The following OSTF1 variants were observed in gnomAD, a reference collection of about 807,000 sequenced individuals.
OSTF1 encodes the protein osteoclast stimulating factor 1.
Under a neutral mutation model 37.2 loss-of-function variants are expected in OSTF1, and 27 were observed. The observed-to-expected ratio is 0.73, with a 90% CI of 0.54 to 1.00. OSTF1 has a LOEUF of 1.00. OSTF1 is among the 50% of genes least tolerant of loss of function. OSTF1 has a pLI of 0.00. For synonymous variants in OSTF1, 82 were observed against 89.2 expected (o/e 0.92, Z 0.46); for missense variants, 232 against 253.8 (o/e 0.91, Z 0.58).
intron 3 of OSTF1, 136 bp from the exon 4 acceptor site, chr9:75,130,442 G>C (rs1469808168): frequency 1.6e-6 from 1 of 633,308 alleles, no homozygotes; most frequent in African/African-American, 1.8e-5. Flanking sequence ...CAGCTAGGGC[G>C]TGAGGAAGCT....
chr9:75,088,866 C>T, intron 1 of OSTF1, 140 bp downstream of exon 1: 1 of 770,184 alleles, frequency 1.3e-6, no homozygotes, highest in Admixed American at 2.6e-5. Context: ...GGGATGGGCG[C>T]TCTTAGTTTT....
intron 1 of OSTF1, among the ~76,000 whole-genome samples, chr9:75,106,650 A>AAC (rs1825289588): frequency 2.0e-5 from 3 of 149,458 alleles, no homozygotes; most frequent in African/African-American, 7.4e-5. Flanking sequence ...CATCTCGAAA[A>AAC]AAAAAAAAAA....
chr9:75,118,860 G>C (rs2118522205), intron 2 of OSTF1, among the ~76,000 whole-genome samples: 1 of 152,276 alleles, frequency 6.6e-6, no homozygotes, highest in Admixed American at 6.5e-5. Flanking sequence ...CAACACATGG[G>C]GATTATGGGA....
intron 5 of OSTF1, among the ~76,000 whole-genome samples, chr9:75,133,012 C>CACACACACA: frequency 2.4e-5 from 3 of 123,524 alleles, no homozygotes; most frequent in African/African-American, 9.0e-5. Flanking sequence ...CACACACACA[C>CACACACACA]CCCTATATAT....
At chr9:75,099,993 C>T (rs541012815) in intron 1 of OSTF1, among the ~76,000 whole-genome samples, 2 of 152,258 alleles carry the variant, frequency 1.3e-5, no homozygotes, top group Admixed American at 1.3e-4. Flanking sequence ...TTATAGTGCT[C>T]AAGTGTTAGT....
At chr9:75,094,746 T>C (rs1168403672) in intron 1 of OSTF1, among the ~76,000 whole-genome samples, 1 of 152,148 alleles carries the variant, frequency 6.6e-6, no homozygotes, top group African/African-American at 2.4e-5. Flanking sequence ...TTAAAGGAGT[T>C]TCAGAAAAAT....
intron 9 of OSTF1, among the ~76,000 whole-genome samples, chr9:75,141,801 G>A (rs1375593093): frequency 6.6e-6 from 1 of 152,156 alleles, no homozygotes; most frequent in Non-Finnish European, 1.5e-5. Context: ...AGCCTGGAGT[G>A]CAGGTGTGCA....
intron 3 of OSTF1, 82 bp from the exon 4 acceptor site, chr9:75,130,496 C>T (rs1324457317): frequency 5.5e-6 from 5 of 913,478 alleles, no homozygotes; most frequent in East Asian, 4.9e-5. Flanking sequence ...AGAACAGGTA[C>T]TCCCTAGGAG....
At chr9:75,108,871 G>A (rs1192569340) in intron 1 of OSTF1, among the ~76,000 whole-genome samples, 2 of 152,084 alleles carry the variant, frequency 1.3e-5, no homozygotes, top group Admixed American at 6.6e-5. Context: ...GATTTGTTTA[G>A]TTTTACAGAA....
chr9:75,111,269 C>T (rs1242045647), intron 1 of OSTF1, among the ~76,000 whole-genome samples: 1 of 152,154 alleles, frequency 6.6e-6, no homozygotes, highest in Non-Finnish European at 1.5e-5. Flanking sequence ...TGCCTTTGCC[C>T]TGCCTCTACC....
chr9:75,118,271 C>A (rs547731634), intron 2 of OSTF1, among the ~76,000 whole-genome samples: 3 of 152,134 alleles, frequency 2.0e-5, no homozygotes, highest in Admixed American at 2.0e-4. Context: ...TGGGGAGAGA[C>A]CTGAAGGAAG....
Position 75,138,432 on chromosome 9 carries a change from A to G in OSTF1, c.487+816A>G, listed in dbSNP as rs556452718. 5.9e-5 allele frequency among the ~76,000 whole-genome samples: 9 copies of G among 152,326 alleles called. No homozygotes were observed. The South Asian group carries it at 1.2e-3, about 21-fold the overall frequency. ...GGTATACTGATGACTTTGATGCCTA[A>G]TATGGCAGCCACTAGCCACGTGCAC... On this transcript the variant is annotated intron_variant, in intron 8 of 9. Coordinates refer to ENST00000346234, the MANE Select transcript of OSTF1 (RefSeq NM_012383.5).
At chr9:75,092,679 A>C (rs1015546470) in intron 1 of OSTF1, among the ~76,000 whole-genome samples, 1 of 152,204 alleles carries the variant, frequency 6.6e-6, no homozygotes, top group Admixed American at 6.5e-5. Context: ...CATTTGGTTG[A>C]ATATTCTTTC....
intron 2 of OSTF1, among the ~76,000 whole-genome samples, chr9:75,119,122 C>G (rs1384017255): frequency 6.6e-6 from 1 of 152,224 alleles, no homozygotes; most frequent in Non-Finnish European, 1.5e-5. Flanking sequence ...GGCCTGCCTT[C>G]AAATCCCAAA....
intron 1 of OSTF1, among the ~76,000 whole-genome samples, chr9:75,093,604 TGTCA>T (rs1825020799): frequency 6.6e-6 from 1 of 152,344 alleles, no homozygotes; most frequent in African/African-American, 2.4e-5. Flanking sequence ...AAGAAGCAAA[TGTCA>T]GTGTTTCAGG....
At chr9:75,108,653 A>G (rs1239401564) in intron 1 of OSTF1, among the ~76,000 whole-genome samples, 1 of 152,134 alleles carries the variant, frequency 6.6e-6, no homozygotes, top group South Asian at 2.1e-4. Context: ...TCTTTGTGGG[A>G]CTACTTTCAG....
Position 75,146,966 on chromosome 9 carries a change from A to G in OSTF1, c.*225A>G, listed in dbSNP as rs555915560. On this transcript the variant is annotated 3_prime_UTR_variant, in exon 10 of 10. Transcript: ENST00000346234. ...ATGTTCACCAAAGTAGAACAAGAAG[A>G]TATTATTTCTATTTATCAAGCAAAA... The G allele has an allele frequency of 3.4e-6, 1 of 290,042 alleles. No individual in the cohort carries two copies. Among genetic ancestry groups the G allele is most frequent in the Non-Finnish European group, 6.3e-6 (1 of 158,340 alleles). 18.0% of individuals were successfully genotyped at this position (290,042 alleles called of 1,614,324 possible). A position where few individuals can be genotyped will look rare whatever the true frequency, so the allele number is the denominator to read the frequency against.
At chr9:75,141,454 A>G (rs970570233) in intron 9 of OSTF1, among the ~76,000 whole-genome samples, 3 of 151,694 alleles carry the variant, frequency 2.0e-5, no homozygotes, top group Admixed American at 1.3e-4. Flanking sequence ...ATAATCTTTT[A>G]CCTTTATTGT....
At chr9:75,135,881 C>T (rs1422849183) in intron 7 of OSTF1, among the ~76,000 whole-genome samples, 1 of 152,214 alleles carries the variant, frequency 6.6e-6, no homozygotes, top group Non-Finnish European at 1.5e-5. Context: ...GAGGCCACCC[C>T]TCTCTGTAGA....
Sources: gnomAD v4.1 joint callset for allele counts (sites outside exome capture counted in the v4.1 genomes callset) on GRCh38, gnomAD v4.1.1 for gene constraint, MANE v1.5 for transcripts, NCBI Gene and HGNC (gene_info 2026-07-23, HGNC 2026-07-21) for gene names.